Variants in ZNF793 observed in about 807,000 individuals in gnomAD.
ZNF793 encodes the protein zinc finger protein 793.
ZNF793 carries 5 observed loss-of-function variants against 12.4 expected under a neutral mutation model. That is an observed-to-expected ratio of 0.40 (90% CI 0.21 to 0.84). The LOEUF (loss-of-function observed/expected upper bound fraction) is 0.84, where lower values mean the gene tolerates loss of function less well. ZNF793 is among the 40% of genes least tolerant of loss of function. The pLI is 0.35. For synonymous variants in ZNF793, 162 were observed against 172.4 expected (o/e 0.94, Z 0.47); for missense variants, 456 against 495.0 (o/e 0.92, Z 0.75).
chr19:37,528,677 T>C (rs76816365), intron 5 of ZNF793, among the ~76,000 whole-genome samples: 4,223 of 152,198 alleles, frequency 0.028, 213 homozygotes, highest in African/African-American at 0.096. Flanking sequence ...CCTTCACAAC[T>C]TATGCTGGCA....
chr19:37,538,105 C>T lies in ZNF793; in HGVS notation c.*226C>T, dbSNP rs191696655. 104 of 438,980 alleles carry T rather than the reference C, an allele frequency of 2.4e-4. No individual in the cohort carries two copies. Among genetic ancestry groups the T allele is most frequent in the Middle Eastern group, 6.5e-4 (1 of 1,550 alleles). The allele number at this position is 438,980 out of a possible 1,614,324, so 27.2% of individuals were successfully genotyped here. On this transcript the variant is annotated 3_prime_UTR_variant, in exon 8 of 8. Transcript: ENST00000627814. The stretch of plus-strand genomic sequence containing the variant: ...TTTTTTTTTGTATTTTTAGTAGAGA[C>T]GGGGTTTCACCGTGTTAGCCAGGAT...
chr19:37,532,321 T>A (rs2042468237), intron 5 of ZNF793, 35 bp from the exon 6 acceptor site: 22 of 1,598,656 alleles, frequency 1.4e-5, no homozygotes, highest in Non-Finnish European at 1.9e-5. Context: ...AACATTTTTT[T>A]TCGACATGAC....
At chr19:37,522,078 C>A (rs975774448) in intron 3 of ZNF793, among the ~76,000 whole-genome samples, 2 of 152,006 alleles carry the variant, frequency 1.3e-5, no homozygotes, top group Non-Finnish European at 2.9e-5. Flanking sequence ...ATTACAAAGT[C>A]AGTGTTATAA....
At chr19:37,536,732 G>A in intron 7 of ZNF793, 165 bp from the exon 8 acceptor site, 1 of 670,918 alleles carries the variant, frequency 1.5e-6, no homozygotes, top group Non-Finnish European at 2.5e-6. Flanking sequence ...TTCCATTTGT[G>A]CCAGTGTTCA....
chr19:37,513,834 C>G (rs2042311219), intron 2 of ZNF793, among the ~76,000 whole-genome samples: 1 of 152,104 alleles, frequency 6.6e-6, no homozygotes, highest in Non-Finnish European at 1.5e-5. Flanking sequence ...GGTATGGTGC[C>G]TTCAACTGAG....
intron 5 of ZNF793, among the ~76,000 whole-genome samples, chr19:37,523,752 C>G (rs537863177): frequency 6.6e-6 from 1 of 152,280 alleles, no homozygotes; most frequent in African/African-American, 2.4e-5. Flanking sequence ...GGCAAGGAGG[C>G]TTTTATATTC....
rs2042475948 is a variant in ZNF793, at chr19:37,533,203, TC to T, written c.143-101del. The T allele has an allele frequency of 1.2e-5, 11 of 892,688 alleles. No individual in the cohort carries two copies. The South Asian group carries it at 1.4e-4, about 11-fold the overall frequency. 55.3% of individuals were successfully genotyped at this position (892,688 alleles called of 1,614,324 possible). On this transcript the variant is annotated intron_variant, in intron 6 of 7. Coordinates refer to ENST00000627814, the MANE Select transcript of ZNF793 (RefSeq NM_001013659.3). ...GGTTCTGGACAAGGTGTGTGTTTAG[TC>T]CCCTCCCAAGTATAACATCTATTGT... is the stretch of plus-strand genomic sequence containing the variant.
In ZNF793 at chr19:37,537,358, A is replaced by G. The variant is rs2042514920; in HGVS notation, c.700A>G (p.Lys234Glu). ...ACCCCACGTCTGTAGTGAGTGTGGGAAAGCCTTCTGCTACAAGTCTGAATT... is the reference window on the plus strand; with the variant it reads ...ACCCCACGTCTGTAGTGAGTGTGGGGAAGCCTTCTGCTACAAGTCTGAATT... ...EKPHVCSECG[K>E]AFCYKSEFIR... The change falls in exon 8 of 8, where the codon AAA becomes GAA. Residue 234 changes from lysine (K) to glutamate (E), a missense_variant. Physicochemically the swap from Lys to Glu is moderately conservative, Grantham distance 56 (BLOSUM62 1). Transcript: ENST00000627814. 3 of 1,613,196 alleles carry G rather than the reference A, an allele frequency of 1.9e-6. No homozygotes were observed. The highest frequency in any genetic ancestry group is 2.5e-6 in the Non-Finnish European group (3 of 1,179,504).
At chr19:37,510,766 G>A (rs1030834335) in intron 2 of ZNF793, among the ~76,000 whole-genome samples, 9 of 150,758 alleles carry the variant, frequency 6.0e-5, no homozygotes, top group African/African-American at 2.4e-5. Context: ...GCACGATCTC[G>A]GCTTACTGCA....
At position 37,541,887 on chromosome 19, in the gene ZNF793, T is replaced by C. The variant is rs1420369552; in HGVS notation, c.*4008T>C. 2.0e-5 allele frequency: 3 copies of C among 152,034 alleles called. No homozygotes were observed. Among genetic ancestry groups the C allele is most frequent in the Non-Finnish European group, 4.4e-5 (3 of 68,016 alleles). The allele number at this position is 152,034 out of a possible 1,614,324, so 9.4% of individuals were successfully genotyped here. ...AGCAAAATGTGGCAAAGAATATGAG[T>C]TGACAGTTGTGAGAAGAGCAAATCT... On this transcript the variant is annotated 3_prime_UTR_variant, in exon 8 of 8. Transcript: ENST00000627814.
At chr19:37,531,199 C>A (rs1206721890) in intron 5 of ZNF793, among the ~76,000 whole-genome samples, 1 of 151,622 alleles carries the variant, frequency 6.6e-6, no homozygotes, top group Non-Finnish European at 1.5e-5. Flanking sequence ...CAGAGTCTCA[C>A]CCTGTCCTCC....
At chr19:37,507,387 A>G (rs534061954) in intron 1 of ZNF793, 1 of 152,372 alleles carries the variant, frequency 6.6e-6, no homozygotes, top group Non-Finnish European at 1.5e-5. Context: ...AAGGTTAATG[A>G]TCGGAGCCCG....
chr19:37,528,370 C>G (rs1403627372), intron 5 of ZNF793, among the ~76,000 whole-genome samples: 1 of 151,894 alleles, frequency 6.6e-6, no homozygotes, highest in East Asian at 1.9e-4. Flanking sequence ...CTTGACTGTT[C>G]CCACCACTGA....
At chr19:37,529,921 T>A (rs1190729549) in intron 5 of ZNF793, among the ~76,000 whole-genome samples, 1 of 152,046 alleles carries the variant, frequency 6.6e-6, no homozygotes, top group African/African-American at 2.4e-5. Context: ...GGGCCCAGGG[T>A]ACCAGTGTTC....
At chr19:37,533,038 C>G (rs1162070418) in intron 6 of ZNF793, among the ~76,000 whole-genome samples, 2 of 152,100 alleles carry the variant, frequency 1.3e-5, no homozygotes, top group Admixed American at 1.3e-4. Context: ...GTAACTTGCC[C>G]AGAGTCACCC....
At position 37,510,886 on chromosome 19, in the gene ZNF793, C is replaced by T. The variant is rs192579279; in HGVS notation, c.-276+2483C>T. On this transcript the variant is annotated intron_variant, in intron 2 of 7. Transcript: ENST00000627814. ...TACTTTTTTGTATTTTTAGTAGAGA[C>T]GGGGGTTTCACTGTGTTAGCCAGGA... Among the ~76,000 whole-genome samples, 32 of 151,578 alleles carry T rather than the reference C, an allele frequency of 2.1e-4. No individual in the cohort carries two copies. In the South Asian group the frequency reaches 6.1e-3, roughly 29 times the overall value.
intron 7 of ZNF793, chr19:37,536,202 C>G (rs1162464158): frequency 5.4e-6 from 2 of 369,352 alleles, no homozygotes; most frequent in Non-Finnish European, 9.6e-6. Flanking sequence ...CCTTAGAGTG[C>G]TTTACCGTTT....
chr19:37,525,314 A>G (rs2042405904), intron 5 of ZNF793, among the ~76,000 whole-genome samples: 1 of 146,934 alleles, frequency 6.8e-6, no homozygotes, highest in African/African-American at 2.5e-5. Context: ...AATTTTTTGT[A>G]GTTTTAGTAG....
chr19:37,506,435 C>T (rs1025818196), upstream of ZNF793: 1 of 152,424 alleles, frequency 6.6e-6, no homozygotes, highest in South Asian at 2.1e-4. Context: ...CTTAGGCTGT[C>T]TCTGTCTCCC....
Sources: allele counts gnomAD v4.1 joint callset (sites outside exome capture counted in the v4.1 genomes callset), GRCh38; gene constraint gnomAD v4.1.1; transcripts MANE v1.5; gene names NCBI Gene and HGNC (gene_info 2026-07-23, HGNC 2026-07-21).